Variants in JMJD1C observed in about 807,000 individuals in gnomAD.
The protein encoded by JMJD1C is jumonji domain containing 1C.
Under a neutral mutation model 245.3 loss-of-function variants are expected in JMJD1C, and 31 were observed. That is an observed-to-expected ratio of 0.13 (90% confidence interval 0.09 to 0.17). The LOEUF is 0.17. Among genes scored for constraint, JMJD1C ranks in the 10% least tolerant of loss-of-function variants. The pLI is 1.00. For synonymous variants in JMJD1C, 1,057 were observed against 1,017.4 expected (o/e 1.04, Z -0.74); for missense variants, 2,691 against 3,000.2 (o/e 0.90, Z 2.41).
rs373505636 is a variant in JMJD1C, at chr10:63,330,233, C to T, written c.333+50085G>A. On this transcript the variant is annotated intron_variant, in intron 2 of 25. Transcript: ENST00000399262. Reference sequence around the variant, plus strand: ...ACGTTTAAAGGTAGGCTACACTAAGCTATGATGTTTGGTAGGTTAAGTGTA... The same window carrying T: ...ACGTTTAAAGGTAGGCTACACTAAGTTATGATGTTTGGTAGGTTAAGTGTA... 1.3e-5 allele frequency among the ~76,000 whole-genome samples: 2 copies of T among 152,120 alleles called. 1 individual carries two copies. The highest frequency in any genetic ancestry group is 3.9e-4 in the East Asian group (2 of 5,186).
intron 2 of JMJD1C, among the ~76,000 whole-genome samples, chr10:63,313,324 T>C (rs1229384018): frequency 1.3e-5 from 2 of 152,210 alleles, no homozygotes; most frequent in African/African-American, 4.8e-5. Flanking sequence ...TGTGTAAGAA[T>C]TTCTTTATCC....
At chr10:63,444,668 C>T (rs1324254187) in intron 1 of JMJD1C, among the ~76,000 whole-genome samples, 6 of 146,310 alleles carry the variant, frequency 4.1e-5, no homozygotes, top group Non-Finnish European at 7.5e-5. Flanking sequence ...TCTTGCTGCC[C>T]GGGCTGGAGT....
intron 14 of JMJD1C, chr10:63,193,677 T>G (rs1035128397): frequency 5.0e-6 from 2 of 399,284 alleles, no homozygotes; most frequent in South Asian, 4.0e-5. Context: ...GTTTTTTTGT[T>G]TTTTTTTGAG....
chr10:63,318,137 C>G (rs1450767154), intron 2 of JMJD1C, among the ~76,000 whole-genome samples: 1 of 152,148 alleles, frequency 6.6e-6, no homozygotes, highest in Non-Finnish European at 1.5e-5. Flanking sequence ...TCCCAAGTAG[C>G]TGGGAATTAC....
intron 2 of JMJD1C, among the ~76,000 whole-genome samples, chr10:63,357,063 C>CT (rs1944906659): frequency 6.6e-6 from 1 of 151,426 alleles, no homozygotes; most frequent in South Asian, 2.1e-4. Flanking sequence ...TTAATGGACT[C>CT]TCACTCTGTC....
At chr10:63,248,480 C>T (rs1852562032) in intron 3 of JMJD1C, among the ~76,000 whole-genome samples, 1 of 151,278 alleles carries the variant, frequency 6.6e-6, no homozygotes. Context: ...CAGATTGTGC[C>T]ACTGTACTCC....
intron 1 of JMJD1C, among the ~76,000 whole-genome samples, chr10:63,399,808 T>C (rs1184316966): frequency 1.3e-5 from 2 of 152,000 alleles, no homozygotes; most frequent in Non-Finnish European, 2.9e-5. Context: ...TCTTTTGGGA[T>C]TATGTAAAAT....
chr10:63,336,850 T>G (rs1942787224), intron 2 of JMJD1C, among the ~76,000 whole-genome samples: 1 of 152,118 alleles, frequency 6.6e-6, no homozygotes. Context: ...CCTCTTTTTT[T>G]GTTTGTTTTT....
At position 63,185,771 on chromosome 10, in the gene JMJD1C, G is replaced by A. The variant is rs542084800; in HGVS notation, c.6740-118C>T. On this transcript the variant is annotated intron_variant, in intron 19 of 25. Coordinates refer to ENST00000399262, the MANE Select transcript of JMJD1C (RefSeq NM_032776.3). ...GATTGTTGCACATTACATGCTTAAT[G>A]ATTGCTTGCTTATTGACTTATTACT... 59 of 666,218 alleles carry A rather than the reference G, an allele frequency of 8.9e-5. No individual in the cohort carries two copies. The African/African-American group carries it at 1.0e-3, about 12-fold the overall frequency. 41.3% of individuals were successfully genotyped at this position (666,218 alleles called of 1,614,324 possible). A position where few individuals can be genotyped will look rare whatever the true frequency, so the allele number is the denominator to read the frequency against.
intron 2 of JMJD1C, among the ~76,000 whole-genome samples, chr10:63,377,371 C>G (rs1315918193): frequency 6.6e-6 from 1 of 152,046 alleles, no homozygotes; most frequent in Admixed American, 6.6e-5. Flanking sequence ...GACCCGTGTA[C>G]TCAAAAACAG....
At chr10:63,501,009 G>C (rs541022595) in intron 1 of JMJD1C, among the ~76,000 whole-genome samples, 1 of 85,102 alleles carries the variant, frequency 1.2e-5, no homozygotes, top group South Asian at 5.2e-4. Flanking sequence ...ATATAAGATA[G>C]ACTTCATAAT....
intron 1 of JMJD1C, among the ~76,000 whole-genome samples, chr10:63,514,186 T>C (rs991839797): frequency 1.3e-5 from 2 of 152,220 alleles, no homozygotes; most frequent in African/African-American, 4.8e-5. Flanking sequence ...TTGATGGGAA[T>C]GTAAATTACT....
rs559853876 is a variant in JMJD1C at position 63,198,559 on chromosome 10, T to C, written c.5445A>G (p.Gln1815=). 6.1e-5 allele frequency: 99 copies of C among 1,610,342 alleles called. No homozygotes were observed. Among genetic ancestry groups the C allele is most frequent in the Non-Finnish European group, 7.5e-5 (88 of 1,177,608 alleles). ...ILDIIGDKFC[Q]LVTSEKTALS... ...AAGCTGTTTTTTCAGATGTTACTAATTGACAGAACTTATCACCTATTATAT... is the reference window on the plus strand; with the variant it reads ...AAGCTGTTTTTTCAGATGTTACTAACTGACAGAACTTATCACCTATTATAT... The change falls in exon 12 of 26, where the codon CAA becomes CAG. Residue 1815 remains glutamine, a synonymous_variant. Coordinates refer to ENST00000399262, the MANE Select transcript of JMJD1C (RefSeq NM_032776.3).
chr10:63,415,941 TCCCACAACTACACAGCTGAACC>T lies in JMJD1C; in HGVS notation c.169-35481_169-35460del, dbSNP rs1003035198. 8.5e-5 allele frequency among the ~76,000 whole-genome samples: 13 copies of T among 152,250 alleles called. No individual in the cohort carries two copies. In the East Asian group the frequency reaches 1.5e-3, roughly 18 times the overall value. ...AGAGCTTACAGTGTTTTTGCTGAAC[TCCCACAACTACACAGCTGAACC>T]CCCACAACTACACAGCTGAACCCAT... On this transcript the variant is annotated intron_variant, in intron 1 of 25. Coordinates refer to ENST00000399262, the MANE Select transcript of JMJD1C (RefSeq NM_032776.3).
intron 3 of JMJD1C, among the ~76,000 whole-genome samples, chr10:63,231,656 T>C (rs1034619626): frequency 6.6e-6 from 1 of 152,050 alleles, no homozygotes; most frequent in Non-Finnish European, 1.5e-5. Flanking sequence ...TAGTTGAACA[T>C]GGTGGCACAC....
intron 1 of JMJD1C, among the ~76,000 whole-genome samples, chr10:63,460,441 T>G (rs1952707867): frequency 1.3e-5 from 2 of 151,880 alleles, no homozygotes; most frequent in Admixed American, 1.3e-4. Flanking sequence ...ATTGCCTGAG[T>G]TGAGGAGTTC....
chr10:63,303,184 T>G (rs1326888145), intron 2 of JMJD1C, among the ~76,000 whole-genome samples: 1 of 152,254 alleles, frequency 6.6e-6, no homozygotes, highest in African/African-American at 2.4e-5. Context: ...TTTAAAACTC[T>G]TTGCATCTAA....
rs763838753 is a variant in JMJD1C at position 63,213,776 on chromosome 10, G to C, written c.2391C>G (p.Pro797=). 1 of 1,614,076 alleles carries C rather than the reference G, an allele frequency of 6.2e-7. No homozygotes were observed. The highest frequency in any genetic ancestry group is 8.5e-7 in the Non-Finnish European group (1 of 1,179,984). Residue 797 remains proline, a synonymous_variant, in exon 8 of 26, where the codon CCC becomes CCG. Coordinates refer to ENST00000399262, the MANE Select transcript of JMJD1C (RefSeq NM_032776.3). ...HHAVHHPHLL[P]TVLPGVPTAS... ...CAGTAGGCACTCCAGGTAACACAGT[G>C]GGAAGTAAATGAGGGTGATGAACAG... is the stretch of plus-strand genomic sequence containing the variant.
chr10:63,351,176 T>C (rs1016570564), intron 2 of JMJD1C, among the ~76,000 whole-genome samples: 10 of 151,434 alleles, frequency 6.6e-5, no homozygotes, highest in African/African-American at 2.2e-4. Flanking sequence ...CCTCCCAGGT[T>C]CCAGCAATTC....
Sources: allele counts gnomAD v4.1 joint callset (sites outside exome capture counted in the v4.1 genomes callset), GRCh38; gene constraint gnomAD v4.1.1; transcripts MANE v1.5; gene names NCBI Gene and HGNC (gene_info 2026-07-23, HGNC 2026-07-21).